Variants in PIK3AP1 observed in about 807,000 individuals in gnomAD.
PIK3AP1 encodes the protein phosphoinositide-3-kinase adaptor protein 1.
PIK3AP1 carries 21 observed loss-of-function variants against 88.1 expected under a neutral mutation model. The ratio of observed to expected loss-of-function variants is 0.24; its 90% confidence interval spans 0.17 to 0.34. The LOEUF (loss-of-function observed/expected upper bound fraction) is 0.34. PIK3AP1 is among the 10% of genes least tolerant of loss of function. The pLI, the probability that PIK3AP1 is intolerant of heterozygous loss-of-function variation, is 1.00. For missense variants in PIK3AP1, 828 were observed against 1,035.7 expected (o/e 0.80, Z 2.75); for synonymous variants, 398 against 400.0 (o/e 1.00, Z 0.06).
chr10:96,614,923 A>G (rs140831262), intron 13 of PIK3AP1, among the ~76,000 whole-genome samples: 251 of 152,360 alleles, frequency 1.6e-3, no homozygotes, highest in African/African-American at 5.7e-3. Context: ...GTGTTGGACC[A>G]TAACCTTGAG....
Position 96,601,406 on chromosome 10 carries a change from G to A in PIK3AP1, c.2360+874C>T, listed in dbSNP as rs570613660. ...GGAGAATCACTTGAACCCAGGAGGC[G>A]GAGGTTGCAGTGAGCCGAGATCACA... is the stretch of plus-strand genomic sequence containing the variant. On this transcript the variant is annotated intron_variant, in intron 16 of 16. Coordinates refer to ENST00000339364, the MANE Select transcript of PIK3AP1 (RefSeq NM_152309.3). Among the ~76,000 whole-genome samples, 4 of 145,776 alleles carry A rather than the reference G, an allele frequency of 2.7e-5. No individual in the cohort carries two copies. The South Asian group carries it at 6.6e-4, about 24-fold the overall frequency.
At chr10:96,660,276 G>A (rs552044915) in intron 2 of PIK3AP1, among the ~76,000 whole-genome samples, 8 of 152,014 alleles carry the variant, frequency 5.3e-5, no homozygotes, top group African/African-American at 1.4e-4. Flanking sequence ...AGCAGAAAAC[G>A]AAAAGCCTGA....
chr10:96,649,345 T>C (rs1216903698), intron 6 of PIK3AP1, among the ~76,000 whole-genome samples: 1 of 152,108 alleles, frequency 6.6e-6, no homozygotes, highest in Non-Finnish European at 1.5e-5. Context: ...TACCCGGCCA[T>C]AACATTTTAA....
intron 14 of PIK3AP1, among the ~76,000 whole-genome samples, chr10:96,608,645 A>G (rs1849044178): frequency 6.6e-6 from 1 of 152,320 alleles, no homozygotes; most frequent in East Asian, 1.9e-4. Flanking sequence ...ACCTAAGTCC[A>G]TGGGTGGGCA....
At position 96,602,291 on chromosome 10, in the gene PIK3AP1, A is replaced by G. The variant is rs1386945937; in HGVS notation, c.2349T>C (p.Ala783=). ...LERPPRVPPR[A]ASQRPPTRET... is the part of the protein sequence containing the mutation. The stretch of plus-strand genomic sequence containing the variant: ...AGTTTTGATGTTACCTCTGTGAGGC[A>G]GCTCTCGGAGGCACCCTGGGGGGTC... The change falls in exon 16 of 17, where the codon GCT becomes GCC. Residue 783 remains alanine (A), a synonymous_variant. Coordinates refer to ENST00000339364, the MANE Select transcript of PIK3AP1 (RefSeq NM_152309.3). 6.2e-7 allele frequency: 1 copy of G among 1,603,918 alleles called. No homozygotes were observed. The highest frequency in any genetic ancestry group is 1.4e-5 in the African/African-American group (1 of 74,058).
chr10:96,697,647 T>C (rs989387728), intron 2 of PIK3AP1, among the ~76,000 whole-genome samples: 3 of 152,144 alleles, frequency 2.0e-5, no homozygotes, highest in African/African-American at 7.2e-5. Context: ...GAGGATCGCT[T>C]GAGCCTGGAA....
intron 2 of PIK3AP1, among the ~76,000 whole-genome samples, chr10:96,667,741 A>C (rs1843784721): frequency 6.6e-6 from 1 of 152,248 alleles, no homozygotes; most frequent in South Asian, 2.1e-4. Context: ...AAAACACTGA[A>C]CCACACATTA....
intron 16 of PIK3AP1, among the ~76,000 whole-genome samples, chr10:96,599,089 A>G (rs1848836320): frequency 6.6e-6 from 1 of 152,180 alleles, no homozygotes; most frequent in Non-Finnish European, 1.5e-5. Context: ...TCAAGAATGA[A>G]CTTAGGCACT....
chr10:96,682,000 A>G (rs1046769613), intron 2 of PIK3AP1, among the ~76,000 whole-genome samples: 8 of 98,282 alleles, frequency 8.1e-5, no homozygotes, highest in Admixed American at 6.0e-4. Context: ...GTGTGTATAT[A>G]TATATATATA....
At chr10:96,712,686 C>T (rs1229274749) in intron 1 of PIK3AP1, among the ~76,000 whole-genome samples, 3 of 152,324 alleles carry the variant, frequency 2.0e-5, no homozygotes, top group African/African-American at 7.2e-5. Context: ...AAGAGGCAAA[C>T]GTTCTTCTAA....
intron 2 of PIK3AP1, among the ~76,000 whole-genome samples, chr10:96,660,443 G>A (rs1334822409): frequency 1.3e-5 from 2 of 152,156 alleles, no homozygotes; most frequent in Admixed American, 1.3e-4. Flanking sequence ...ACAAATCTAT[G>A]AGAATGGGCA....
intron 7 of PIK3AP1, among the ~76,000 whole-genome samples, chr10:96,646,477 G>T (rs1843461696): frequency 6.6e-6 from 1 of 152,052 alleles, no homozygotes; most frequent in African/African-American, 2.4e-5. Context: ...ACACCCTAGT[G>T]GTTCCTCCAA....
chr10:96,661,832 AAGGAAAGGGAAAAG>A (rs1564975053), intron 2 of PIK3AP1, among the ~76,000 whole-genome samples: 166 of 145,094 alleles, frequency 1.1e-3, no homozygotes, highest in African/African-American at 3.0e-3. Context: ...CAGGACAGGA[AAGGAAAGGGAAAAG>A]GGAAAGGGAA....
intron 8 of PIK3AP1, among the ~76,000 whole-genome samples, chr10:96,641,824 C>T (rs1009664753): frequency 2.0e-5 from 3 of 152,202 alleles, no homozygotes; most frequent in African/African-American, 7.2e-5. Context: ...GGGATACAGG[C>T]AGTCCATGGA....
intron 16 of PIK3AP1, among the ~76,000 whole-genome samples, chr10:96,600,040 T>A (rs1848859769): frequency 6.6e-6 from 1 of 152,110 alleles, no homozygotes; most frequent in Non-Finnish European, 1.5e-5. Flanking sequence ...TGACAACTCT[T>A]TTATCTTGGT....
Position 96,651,292 on chromosome 10 carries a change from T to C in PIK3AP1, c.944A>G (p.His315Arg), listed in dbSNP as rs1355451231. The change falls in exon 6 of 17, where the codon CAC becomes CGC. Residue 315 changes from histidine to arginine, a missense_variant. Around this residue, in one of 3 missense-constraint regions of PIK3AP1, gnomAD observed 610 missense variants for 760.1 expected, o/e 0.80. Transcript: ENST00000339364. ...LKNNIPASGL[H>R]LFGINQLEEE... ...TTCCAGCTGGTTGATTCCAAAGAGG[T>C]GCAGTCCGCTTGCAGGGATATTGTT... is the stretch of plus-strand genomic sequence containing the variant. The C allele has an allele frequency of 1.2e-6, 2 of 1,614,178 alleles. No homozygotes were observed.
intron 2 of PIK3AP1, among the ~76,000 whole-genome samples, chr10:96,705,195 T>G (rs1844345976): frequency 2.6e-5 from 4 of 152,220 alleles, no homozygotes; most frequent in Admixed American, 6.5e-5. Context: ...TGACCAGTAT[T>G]TCTTCAGTTG....
chr10:96,625,394 G>A (rs751487159), intron 10 of PIK3AP1, among the ~76,000 whole-genome samples: 3 of 152,180 alleles, frequency 2.0e-5, no homozygotes, highest in Non-Finnish European at 2.9e-5. Context: ...AACAGTGTCT[G>A]CTGCTCATGC....
Position 96,626,850 on chromosome 10 carries a change from T to G in PIK3AP1, c.1527A>C (p.Glu509Asp). The G allele has an allele frequency of 6.2e-7, 1 of 1,614,220 alleles. No homozygotes were observed. Among genetic ancestry groups the G allele is most frequent in the Non-Finnish European group, 8.5e-7 (1 of 1,180,002 alleles). Reference sequence around the variant, plus strand: ...CATCCACCGTGTGATAAACATCTTCTTCCTGACCAAGATGGCACTGATCTC... The same window carrying G: ...CATCCACCGTGTGATAAACATCTTCGTCCTGACCAAGATGGCACTGATCTC... The part of the protein sequence containing the change: ...LERDQCHLGQ[E>D]EDVYHTVDDD... The change falls in exon 10 of 17, where the codon GAA becomes GAC. Residue 509 changes from glutamate to aspartate, a missense_variant. Around this residue, in one of 3 missense-constraint regions of PIK3AP1, gnomAD observed 610 missense variants for 760.1 expected, o/e 0.80. Transcript: ENST00000339364.
Sources: allele counts gnomAD v4.1 joint callset (sites outside exome capture counted in the v4.1 genomes callset), GRCh38; gene constraint gnomAD v4.1.1; regional missense constraint gnomAD v4.1.1; transcripts MANE v1.5; gene names NCBI Gene and HGNC (gene_info 2026-07-23, HGNC 2026-07-21).